The following PIK3C3 variants were observed in gnomAD, a reference collection of about 807,000 sequenced individuals.
PIK3C3 encodes the protein phosphatidylinositol 3-kinase catalytic subunit type 3, also known as PI3-kinase type 3.
In PIK3C3, 95 loss-of-function variants were observed where a neutral mutation model predicts 126.1. That is an observed-to-expected ratio of 0.75 (90% CI 0.64 to 0.89). PIK3C3 has a LOEUF of 0.89. PIK3C3 is among the 40% of genes least tolerant of loss of function. The probability of loss-of-function intolerance (pLI) is 0.00; values close to 1 mark genes in which losing one functional copy is unlikely to be tolerated. For synonymous variants in PIK3C3, 374 were observed against 360.0 expected (o/e 1.04, Z -0.44); for missense variants, 829 against 1,063.2 (o/e 0.78, Z 3.06).
chr18:42,074,369 C>T (rs1187078209), intron 24 of PIK3C3, among the ~76,000 whole-genome samples: 1 of 151,996 alleles, frequency 6.6e-6, no homozygotes, highest in Non-Finnish European at 1.5e-5. Context: ...TCCTTACTCC[C>T]AGACTTGTAG....
chr18:42,058,030 C>T lies in PIK3C3; in HGVS notation c.2411C>T (p.Thr804Met), dbSNP rs756468687. The T allele has an allele frequency of 1.3e-6, 2 of 1,591,364 alleles. No homozygotes were observed. Among genetic ancestry groups the T allele is most frequent in the Non-Finnish European group, 1.7e-6 (2 of 1,170,352 alleles). The change falls in exon 22 of 25, where the codon ACG becomes ATG. Residue 804 changes from threonine (T) to methionine (M), a missense_variant. By Grantham distance (81) the Thr-to-Met change is moderately conservative (BLOSUM62 -1). Coordinates refer to ENST00000262039, the MANE Select transcript of PIK3C3 (RefSeq NM_002647.4). ...CAAGAGTTCCGTAAACAGTGTTACA[C>T]GGCTTTCCTCCACCTGCGAAGGTAA... ...QYQEFRKQCYTAFLHLRRYSN... is the reference protein window; with the variant it reads ...QYQEFRKQCYMAFLHLRRYSN...
rs1986251537 is a variant in PIK3C3, at chr18:42,081,551, T to C, written c.*414T>C. 1 of 169,020 alleles carries C rather than the reference T, an allele frequency of 5.9e-6. No homozygotes were observed. Among genetic ancestry groups the C allele is most frequent in the Admixed American group, 6.4e-5 (1 of 15,726 alleles). 10.5% of individuals were successfully genotyped at this position (169,020 alleles called of 1,614,324 possible). The stretch of plus-strand genomic sequence containing the variant: ...AACCTGAATTTAGATTGTCACAGTT[T>C]ACAAGTTTTTGTTTGTTCCTTCTTT... On this transcript the variant is annotated 3_prime_UTR_variant, in exon 25 of 25. Transcript: ENST00000262039.
chr18:42,011,827 G>A lies in PIK3C3; in HGVS notation c.1171-1615G>A, dbSNP rs186495922. On this transcript the variant is annotated intron_variant, in intron 10 of 24. Transcript: ENST00000262039. ...TTTACTTGAACACTTATTGTGCACT[G>A]TAGGTTTATTAATTGGCCTCATTGC... is the stretch of plus-strand genomic sequence containing the variant. Among the ~76,000 whole-genome samples the A allele has an allele frequency of 3.1e-4, 47 of 152,230 alleles. No homozygotes were observed. In the East Asian group the frequency reaches 8.1e-3, roughly 26 times the overall value.
chr18:41,963,477 C>T (rs999647210), intron 3 of PIK3C3, among the ~76,000 whole-genome samples: 1 of 152,054 alleles, frequency 6.6e-6, no homozygotes. Context: ...GACCCCGTGT[C>T]CTTTTGGCAG....
intron 3 of PIK3C3, among the ~76,000 whole-genome samples, chr18:41,970,099 T>G (rs1980581075): frequency 6.6e-6 from 1 of 152,186 alleles, no homozygotes; most frequent in African/African-American, 2.4e-5. Context: ...TAGAATTCTC[T>G]GTCATAGTTC....
chr18:42,040,386 T>A (rs546818247), intron 18 of PIK3C3, among the ~76,000 whole-genome samples: 13 of 152,242 alleles, frequency 8.5e-5, no homozygotes, highest in Admixed American at 3.9e-4. Flanking sequence ...AAATTTTTGA[T>A]GCTAGATTTA....
chr18:41,978,324 A>G (rs1981032722), intron 4 of PIK3C3, among the ~76,000 whole-genome samples: 1 of 152,228 alleles, frequency 6.6e-6, no homozygotes, highest in Non-Finnish European at 1.5e-5. Context: ...TTTGGAAAAA[A>G]CTAAAGATGT....
chr18:42,031,606 G>C (rs887897236), intron 15 of PIK3C3, among the ~76,000 whole-genome samples: 8 of 152,020 alleles, frequency 5.3e-5, no homozygotes, highest in Non-Finnish European at 1.2e-4. Flanking sequence ...TAGTAAAGAT[G>C]GGGGGGTTTC....
At chr18:42,071,356 A>G (rs753107626) in intron 24 of PIK3C3, among the ~76,000 whole-genome samples, 10 of 152,196 alleles carry the variant, frequency 6.6e-5, no homozygotes, top group Non-Finnish European at 1.3e-4. Context: ...TTAAATAACC[A>G]TTACTGTGAT....
chr18:42,076,127 T>C (rs868638878), intron 24 of PIK3C3, among the ~76,000 whole-genome samples: 5,350 of 75,542 alleles, frequency 0.071, 550 homozygotes, highest in African/African-American at 0.23. Context: ...TATATGCGCA[T>C]ATATATATAT....
rs777104364 is a variant in PIK3C3, at chr18:42,027,503, G to C, written c.1545G>C (p.Glu515Asp). ...AGCAGAGAGATCCAAAGACCCATGA[G>C]ATGTACTTGAACGTAATGAGAAGAT... The part of the protein sequence containing the change: ...DTQQRDPKTH[E>D]MYLNVMRRFS... The change falls in exon 14 of 25, where the codon GAG becomes GAC. Residue 515 changes from glutamate to aspartate, a missense_variant. Physicochemically the swap from Glu to Asp is conservative, Grantham distance 45. Coordinates refer to ENST00000262039, the MANE Select transcript of PIK3C3 (RefSeq NM_002647.4). The C allele has an allele frequency of 6.2e-7, 1 of 1,612,256 alleles. No homozygotes were observed. Among genetic ancestry groups the C allele is most frequent in the African/African-American group, 1.3e-5 (1 of 74,868 alleles).
At chr18:42,042,987 G>A (rs952072968) in intron 19 of PIK3C3, among the ~76,000 whole-genome samples, 6 of 151,904 alleles carry the variant, frequency 3.9e-5, no homozygotes, top group Non-Finnish European at 7.4e-5. Flanking sequence ...TGTTCCTGTC[G>A]CGTTGTTTGT....
intron 21 of PIK3C3, 53 bp from the exon 22 acceptor site, chr18:42,057,828 TAC>T (rs780899167): frequency 1.3e-6 from 2 of 1,490,358 alleles, no homozygotes; most frequent in Non-Finnish European, 1.9e-6. Flanking sequence ...ACATATCACC[TAC>T]CCAGTTCTTT....
chr18:42,077,201 G>A (rs184319837), intron 24 of PIK3C3, among the ~76,000 whole-genome samples: 1 of 152,338 alleles, frequency 6.6e-6, no homozygotes, highest in African/African-American at 2.4e-5. Context: ...CTTTCAGTGA[G>A]TTGTAATCTT....
chr18:42,011,148 C>T (rs983076744), intron 10 of PIK3C3, among the ~76,000 whole-genome samples: 4 of 152,138 alleles, frequency 2.6e-5, no homozygotes, highest in Non-Finnish European at 4.4e-5. Context: ...GTAGATGTAG[C>T]GTAATTCTTA....
intron 1 of PIK3C3, among the ~76,000 whole-genome samples, chr18:41,955,941 A>G (rs1979749050): frequency 6.6e-6 from 1 of 152,132 alleles, no homozygotes; most frequent in Non-Finnish European, 1.5e-5. Flanking sequence ...AGATAGGAGA[A>G]AAGAGTCTTT....
intron 4 of PIK3C3, among the ~76,000 whole-genome samples, chr18:41,972,336 A>G (rs1344208404): frequency 6.6e-6 from 1 of 152,130 alleles, no homozygotes; most frequent in Admixed American, 6.6e-5. Context: ...ATTGGTAGCA[A>G]TCATTATCCC....
Position 42,015,378 on chromosome 18 carries a change from C to T in PIK3C3, c.1326-98C>T, listed in dbSNP as rs997551427. The T allele has an allele frequency of 5.8e-6, 5 of 855,804 alleles. No homozygotes were observed. The African/African-American group carries it at 6.8e-5, about 12-fold the overall frequency. 53.0% of individuals were successfully genotyped at this position (855,804 alleles called of 1,614,324 possible). On this transcript the variant is annotated intron_variant, in intron 11 of 24. Coordinates refer to ENST00000262039, the MANE Select transcript of PIK3C3 (RefSeq NM_002647.4). ...CACACTTTAGGAAGTGTTGCATTAA[C>T]TAGACACAATTGAAGTGAACTGTTC...
At chr18:41,981,290 C>T (rs1981185944) in intron 4 of PIK3C3, among the ~76,000 whole-genome samples, 1 of 152,084 alleles carries the variant, frequency 6.6e-6, no homozygotes, top group Non-Finnish European at 1.5e-5. Flanking sequence ...TGCCAGTGCC[C>T]TAAAACAGTA....
Sources: gnomAD v4.1 joint callset for allele counts (sites outside exome capture counted in the v4.1 genomes callset) on GRCh38, gnomAD v4.1.1 for gene constraint, MANE v1.5 for transcripts, NCBI Gene and HGNC (gene_info 2026-07-23, HGNC 2026-07-21) for gene names.